FER: variants seen among roughly 807,000 people sequenced by gnomAD.
FER encodes the protein tyrosine-protein kinase Fer.
In FER, 63 loss-of-function variants were observed where a neutral mutation model predicts 111.0. The observed-to-expected ratio is 0.57, with a 90% confidence interval of 0.46 to 0.70. The LOEUF is 0.70. FER is among the 30% of genes least tolerant of loss of function. FER has a pLI of 0.00. For synonymous variants in FER, 327 were observed against 313.9 expected, an observed-to-expected ratio of 1.04 and a Z score of -0.44; for missense variants, 914 against 954.0, an observed-to-expected ratio of 0.96 and a Z score of 0.55.
At chr5:108,789,587 A>G (rs2150020104) in intron 2 of FER, among the ~76,000 whole-genome samples, 2 of 150,876 alleles carry the variant, frequency 1.3e-5, no homozygotes, top group African/African-American at 4.9e-5. Context: ...AATATCTACC[A>G]ACAGGAATTT....
intron 17 of FER, among the ~76,000 whole-genome samples, chr5:109,103,398 T>G (rs1416136520): frequency 6.6e-6 from 1 of 152,166 alleles, no homozygotes; most frequent in African/African-American, 2.4e-5. Context: ...CTTTGTTTTA[T>G]TGTTTTGATA....
chr5:109,137,167 G>A (rs1386767296), intron 17 of FER, among the ~76,000 whole-genome samples: 1 of 152,118 alleles, frequency 6.6e-6, no homozygotes, highest in East Asian at 1.9e-4. Context: ...GGGAGATGAA[G>A]GAAACATCCA....
intron 8 of FER, among the ~76,000 whole-genome samples, chr5:108,873,990 G>A (rs1404789149): frequency 6.6e-6 from 1 of 152,092 alleles, no homozygotes; most frequent in African/African-American, 2.4e-5. Flanking sequence ...GCTGGTGAAG[G>A]AATATGACAT....
At chr5:109,156,839 G>C (rs774234949) in intron 17 of FER, among the ~76,000 whole-genome samples, 53 of 152,080 alleles carry the variant, frequency 3.5e-4, no homozygotes, top group Non-Finnish European at 6.2e-4. Flanking sequence ...TTTCAATAAA[G>C]TAATGGGGGC....
chr5:108,819,552 A>T lies in FER; in HGVS notation c.208-13218A>T, dbSNP rs114965511. On this transcript the variant is annotated intron_variant, in intron 3 of 19. Transcript: ENST00000281092. ...GGTATTTTCTTCATAGTGTTGATAA[A>T]AGGAGTAAATAAGAGAAGGCCTGCT... Among the ~76,000 whole-genome samples, 639 of 152,294 alleles carry T rather than the reference A, an allele frequency of 4.2e-3. 5 individuals are homozygous for T. Among genetic ancestry groups the T allele is most frequent in the African/African-American group, 0.015 (619 of 41,560 alleles).
chr5:109,003,424 C>T (rs1213785128), intron 13 of FER, among the ~76,000 whole-genome samples: 1 of 152,074 alleles, frequency 6.6e-6, no homozygotes, highest in Admixed American at 6.6e-5. Context: ...AATGAGAACA[C>T]ATGGACACAG....
At chr5:108,983,503 A>T (rs1450103559) in intron 13 of FER, among the ~76,000 whole-genome samples, 1 of 152,154 alleles carries the variant, frequency 6.6e-6, no homozygotes, top group African/African-American at 2.4e-5. Context: ...TATGAAATAT[A>T]TGTAAAGTAG....
At chr5:108,836,837 G>A (rs1311719630) in intron 5 of FER, among the ~76,000 whole-genome samples, 1 of 150,814 alleles carries the variant, frequency 6.6e-6, no homozygotes, top group Non-Finnish European at 1.5e-5. Context: ...CCTCTCCCTT[G>A]GACTCCCTGT....
At chr5:109,028,391 A>C (rs1441838323) in intron 13 of FER, among the ~76,000 whole-genome samples, 1 of 152,246 alleles carries the variant, frequency 6.6e-6, no homozygotes, top group Non-Finnish European at 1.5e-5. Flanking sequence ...CTTAAAATAG[A>C]ATTTATAACC....
intron 8 of FER, 81 bp from the exon 9 acceptor site, chr5:108,883,315 T>A: frequency 7.5e-7 from 1 of 1,335,066 alleles, no homozygotes; most frequent in Non-Finnish European, 1.0e-6. Flanking sequence ...CATTGCAACA[T>A]AAGATGTATG....
intron 10 of FER, among the ~76,000 whole-genome samples, chr5:108,918,748 A>G (rs1355364603): frequency 6.6e-6 from 1 of 151,024 alleles, no homozygotes; most frequent in Non-Finnish European, 1.5e-5. Context: ...CAGCCTCCCA[A>G]AGTGCTGGGA....
At chr5:108,841,213 A>G (rs1356264134) in intron 5 of FER, among the ~76,000 whole-genome samples, 2 of 152,186 alleles carry the variant, frequency 1.3e-5, no homozygotes, top group East Asian at 3.9e-4. Flanking sequence ...CAGGGCTGTC[A>G]CTTTACTAGG....
intron 10 of FER, among the ~76,000 whole-genome samples, chr5:108,920,139 G>A (rs1192284783): frequency 6.6e-6 from 1 of 151,968 alleles, no homozygotes; most frequent in Non-Finnish European, 1.5e-5. Flanking sequence ...GTGGAGCTCA[G>A]TATCAGAAAA....
chr5:108,925,984 T>C (rs550855775), intron 10 of FER, among the ~76,000 whole-genome samples: 38 of 151,970 alleles, frequency 2.5e-4, no homozygotes, highest in Non-Finnish European at 5.0e-4. Context: ...ATAACTTAAA[T>C]TTTTTTAACT....
At chr5:109,113,797 A>G (rs80070037) in intron 17 of FER, among the ~76,000 whole-genome samples, 1,587 of 152,294 alleles carry the variant, frequency 0.01, 23 homozygotes, top group African/African-American at 0.036. Flanking sequence ...TTTTACCTTT[A>G]TAAATGCTTA....
intron 5 of FER, among the ~76,000 whole-genome samples, chr5:108,850,291 T>G (rs754776820): frequency 2.0e-5 from 3 of 152,158 alleles, no homozygotes; most frequent in Non-Finnish European, 2.9e-5. Flanking sequence ...CTGTATGATA[T>G]CTATAATATA....
chr5:108,751,731 A>G (rs571198961), intron 1 of FER, among the ~76,000 whole-genome samples: 200 of 152,242 alleles, frequency 1.3e-3, no homozygotes, highest in African/African-American at 4.3e-3. Flanking sequence ...TAATTAGAGA[A>G]ATTTAAGTCA....
intron 13 of FER, among the ~76,000 whole-genome samples, chr5:108,975,200 A>C (rs1761174104): frequency 2.0e-5 from 3 of 152,216 alleles, no homozygotes; most frequent in Non-Finnish European, 2.9e-5. Context: ...GGAGTTGAAC[A>C]GTGAGAACAC....
At position 108,845,044 on chromosome 5, in the gene FER, A is replaced by G. The variant is rs1401762890; in HGVS notation, c.481+9237A>G. Among the ~76,000 whole-genome samples the G allele has an allele frequency of 6.1e-4, 24 of 39,654 alleles. 1 individual carries two copies. The highest frequency in any genetic ancestry group is 3.0e-3 in the East Asian group (4 of 1,312). 26.0% of individuals were successfully genotyped at this position (39,654 alleles called of 152,430 possible). ...TATATATATATATATATATATACATATATATATATATATATATATATATAC... is the reference window on the plus strand; with the variant it reads ...TATATATATATATATATATATACATGTATATATATATATATATATATATAC... On this transcript the variant is annotated intron_variant, in intron 5 of 19. Transcript: ENST00000281092.
Sources: allele counts gnomAD v4.1 joint callset (sites outside exome capture counted in the v4.1 genomes callset), GRCh38; gene constraint gnomAD v4.1.1; transcripts MANE v1.5; gene names NCBI Gene and HGNC (gene_info 2026-07-23, HGNC 2026-07-21).